SHOC1: variants seen among roughly 807,000 people sequenced by gnomAD.
The protein encoded by SHOC1 is shortage in chiasmata 1.
A neutral mutation model predicts 179.2 loss-of-function variants in SHOC1; 136 were observed. That is an observed-to-expected ratio of 0.76 (90% CI 0.66 to 0.87). SHOC1 has a LOEUF of 0.87. Ranked by LOEUF, SHOC1 falls within the 40% of genes least tolerant of loss-of-function variation. SHOC1 has a pLI of 0.00. For missense variants in SHOC1, 1,538 were observed against 1,700.8 expected (o/e 0.90, Z 1.68); for synonymous variants, 489 against 586.6 (o/e 0.83, Z 2.41).
intron 5 of SHOC1, chr9:111,759,447 G>T (rs1436477800): frequency 4.7e-6 from 6 of 1,287,100 alleles, no homozygotes; most frequent in South Asian, 3.1e-5. Flanking sequence ...AAACACTACT[G>T]CTAACAGTTA....
In SHOC1 at chr9:111,780,921, G is replaced by T. The variant is rs759698319; in HGVS notation, c.257+9C>A. On this transcript the variant is annotated intron_variant, in intron 4 of 27. Coordinates refer to ENST00000682961, the MANE Select transcript of SHOC1 (RefSeq NM_001378211.1). Reference sequence around the variant, plus strand: ...TGTAAAAGAGAAATTTGAGATTAAGGATACATACTTCTCAAGGAAATCCTC... The same window carrying T: ...TGTAAAAGAGAAATTTGAGATTAAGTATACATACTTCTCAAGGAAATCCTC... 3.1e-6 allele frequency: 5 copies of T among 1,596,416 alleles called. No individual in the cohort carries two copies. Among genetic ancestry groups the T allele is most frequent in the Non-Finnish European group, 3.4e-6 (4 of 1,164,806 alleles).
At chr9:111,714,238 TATTTTTAA>T (rs953741880) in intron 17 of SHOC1, among the ~76,000 whole-genome samples, 199 bp downstream of exon 17, 3 of 152,178 alleles carry the variant, frequency 2.0e-5, no homozygotes, top group Non-Finnish European at 2.9e-5. Flanking sequence ...ACTGGTAAAG[TATTTTTAA>T]ATTTGAGACA....
chr9:111,724,469 A>G (rs962660471), intron 13 of SHOC1, among the ~76,000 whole-genome samples: 1 of 151,986 alleles, frequency 6.6e-6, no homozygotes, highest in Non-Finnish European at 1.5e-5. Context: ...CCTCCCAAGT[A>G]GCTGGGAGCA....
chr9:111,690,060 C>T (rs1368952882), intron 27 of SHOC1, among the ~76,000 whole-genome samples: 1 of 150,860 alleles, frequency 6.6e-6, no homozygotes, highest in African/African-American at 2.5e-5. Flanking sequence ...AAATAAAGAA[C>T]ACAATCTAAT....
chr9:111,687,743 TTTC>T (rs201211864), intron 27 of SHOC1, among the ~76,000 whole-genome samples: 68 of 125,162 alleles, frequency 5.4e-4, no homozygotes, highest in Non-Finnish European at 9.3e-4. Context: ...CTGTCCGGTT[TTTC>T]TTCTTCTTCT....
chr9:111,688,074 G>A (rs979012514), intron 27 of SHOC1, among the ~76,000 whole-genome samples: 2 of 152,070 alleles, frequency 1.3e-5, no homozygotes, highest in Non-Finnish European at 2.9e-5. Flanking sequence ...CTGTGGGAGA[G>A]CCTGGACTAC....
Position 111,722,429 on chromosome 9 carries a change from A to C in SHOC1, c.2111T>G (p.Val704Gly), listed in dbSNP as rs1459729180. The change falls in exon 15 of 28, where the codon GTA (valine) becomes GGA (glycine). Residue 704 changes from valine to glycine, a missense_variant. By Grantham distance (109) the Val-to-Gly change is moderately radical (BLOSUM62 -3). Transcript: ENST00000682961. ...RFLLKEQEKV[V>G]SDAVRQGTID... ...CTCACCTTGGCGAACAGCATCACTT[A>C]CTACTTTTTCTTGTTCCTTTAAGAG... 1 of 1,601,700 alleles carries C rather than the reference A, an allele frequency of 6.2e-7. No homozygotes were observed. Among genetic ancestry groups the C allele is most frequent in the Non-Finnish European group, 8.5e-7 (1 of 1,177,436 alleles).
intron 16 of SHOC1, among the ~76,000 whole-genome samples, chr9:111,715,305 T>C (rs1049410147): frequency 6.6e-6 from 1 of 152,194 alleles, no homozygotes; most frequent in African/African-American, 2.4e-5. Flanking sequence ...AATGAATATT[T>C]GGGTAACAAA....
At position 111,718,245 on chromosome 9, in the gene SHOC1, G is replaced by C; in HGVS notation, c.2175C>G (p.Leu725=). The change falls in exon 16 of 28, where the codon CTC becomes CTG. Residue 725 remains leucine (L), a synonymous_variant. Transcript: ENST00000682961. ...CTCTAATTGTTACCAGAAGATGTAA[G>C]AGAGCGGCATGCTTGAAAGTCATTT... ...EREMTFKHAA[L]LHLLVTIRDV... is the part of the protein sequence containing the mutation. The C allele has an allele frequency of 6.3e-7, 1 of 1,598,766 alleles. No homozygotes were observed. The highest frequency in any genetic ancestry group is 1.7e-4 in the Middle Eastern group (1 of 6,028).
At chr9:111,758,318 G>T in intron 6 of SHOC1, 123 bp from the exon 7 acceptor site, 1 of 615,116 alleles carries the variant, frequency 1.6e-6, no homozygotes, top group Non-Finnish European at 2.8e-6. Context: ...GTTATTGGCC[G>T]GGTGCAGTGG....
In SHOC1 at chr9:111,775,804, T is replaced by A; in HGVS notation, c.429A>T (p.Gln143His). Residue 143 changes from glutamine (Q) to histidine (H), a missense_variant, in exon 5 of 28, where the codon CAA becomes CAT. Coordinates refer to ENST00000682961, the MANE Select transcript of SHOC1 (RefSeq NM_001378211.1). ...VSCLEKCSALQNQNQDLFIDD... is the reference protein window; with the variant it reads ...VSCLEKCSALHNQNQDLFIDD... ...TAAACGTTTTACCTTGGTTCTGGTT[T>A]TGAAGTGCTGAACATTTTTCTAAAC... 1 of 1,607,014 alleles carries A rather than the reference T, an allele frequency of 6.2e-7. No individual in the cohort carries two copies. The highest frequency in any genetic ancestry group is 8.5e-7 in the Non-Finnish European group (1 of 1,178,038).
At chr9:111,716,452 G>T (rs1398555650) in intron 16 of SHOC1, among the ~76,000 whole-genome samples, 1 of 125,280 alleles carries the variant, frequency 8.0e-6, no homozygotes, top group Non-Finnish European at 1.6e-5. Context: ...GTGCAATGGC[G>T]CAATCTTGGC....
intron 5 of SHOC1, among the ~76,000 whole-genome samples, chr9:111,770,050 C>G (rs900438984): frequency 4.1e-5 from 2 of 49,266 alleles, no homozygotes; most frequent in Non-Finnish European, 8.3e-5. Context: ...TTTATTGTTT[C>G]TTTCCTTCTA....
chr9:111,732,035 G>A (rs1459443895), intron 12 of SHOC1, among the ~76,000 whole-genome samples: 2 of 152,032 alleles, frequency 1.3e-5, no homozygotes. Context: ...CAATGAACAT[G>A]TAATAAGATG....
chr9:111,724,614 G>T (rs1833216978), intron 13 of SHOC1, among the ~76,000 whole-genome samples: 2 of 152,070 alleles, frequency 1.3e-5, no homozygotes, highest in African/African-American at 4.8e-5. Flanking sequence ...CCTACCCAAA[G>T]TGCTGGGATT....
At position 111,692,487 on chromosome 9, in the gene SHOC1, A is replaced by G. The variant is rs1831491399; in HGVS notation, c.3490T>C (p.Phe1164Leu). 6.3e-7 allele frequency: 1 copy of G among 1,587,494 alleles called. No homozygotes were observed. The highest frequency in any genetic ancestry group is 1.4e-5 in the African/African-American group (1 of 73,936). ...LKHFCSITSL[F>L]KIGSSSITKS... ...GTTATGGAAGAAGAACCAATCTTGAATAGGGAAGTGATGCTACAAAAATGC... is the reference window on the plus strand; with the variant it reads ...GTTATGGAAGAAGAACCAATCTTGAGTAGGGAAGTGATGCTACAAAAATGC... Residue 1164 changes from phenylalanine (F) to leucine (L), a missense_variant, in exon 27 of 28, where the codon TTC becomes CTC. Coordinates refer to ENST00000682961, the MANE Select transcript of SHOC1 (RefSeq NM_001378211.1).
chr9:111,722,550 C>T lies in SHOC1; in HGVS notation c.1990G>A (p.Ala664Thr). 6.2e-7 allele frequency: 1 copy of T among 1,606,296 alleles called. No homozygotes were observed. The highest frequency in any genetic ancestry group is 8.5e-7 in the Non-Finnish European group (1 of 1,178,452). Reference sequence around the variant, plus strand: ...AGGTTTTTTAAGATAGGAGAAGCTGCTGCTTCGAGGAGGCAAAATGCTTGG... The same window carrying T: ...AGGTTTTTTAAGATAGGAGAAGCTGTTGCTTCGAGGAGGCAAAATGCTTGG... ...QCQAFCLLEAAASPILKNLVS... is the reference protein window; with the variant it reads ...QCQAFCLLEATASPILKNLVS... The change falls in exon 15 of 28, where the codon GCA becomes ACA. Residue 664 changes from alanine to threonine, a missense_variant. Ala to Thr is a moderately conservative substitution (Grantham distance 58). Coordinates refer to ENST00000682961, the MANE Select transcript of SHOC1 (RefSeq NM_001378211.1).
At chr9:111,793,579 C>T (rs894632946) in intron 1 of SHOC1, among the ~76,000 whole-genome samples, 5 of 142,432 alleles carry the variant, frequency 3.5e-5, no homozygotes, top group Admixed American at 7.0e-5. Context: ...CGATACATTG[C>T]TCTTATTTCT....
intron 16 of SHOC1, among the ~76,000 whole-genome samples, chr9:111,717,480 C>T (rs1832843651): frequency 6.6e-6 from 1 of 151,778 alleles, no homozygotes; most frequent in African/African-American, 2.4e-5. Context: ...GTAATTCCAG[C>T]TTCCTGGGGG....
Sources: allele counts gnomAD v4.1 joint callset (sites outside exome capture counted in the v4.1 genomes callset), GRCh38; gene constraint gnomAD v4.1.1; transcripts MANE v1.5; gene names NCBI Gene and HGNC (gene_info 2026-07-23, HGNC 2026-07-21).